The following INTS15 variants were observed in gnomAD, a reference collection of about 807,000 sequenced individuals.
INTS15 encodes the protein integrator complex subunit 15.
the INTS15 span, chr7:6,607,753 G>C: frequency 6.7e-7 from 1 of 1,491,558 alleles, no homozygotes; most frequent in South Asian, 1.3e-5. The surrounding 1 kb of genome is among the most constrained non-coding windows in gnomAD (Gnocchi z 6.0). Context: ...CACAGGCCCC[G>C]TGCAGAGCCC....
At chr7:6,594,762 C>T in the INTS15 span, among the ~76,000 whole-genome samples, 3 of 151,974 alleles carry the variant, frequency 2.0e-5, no homozygotes, top group African/African-American at 4.8e-5. Flanking sequence ...AGTCTGTTGC[C>T]CAGGCTGGAG....
At chr7:6,608,292 G>T in the INTS15 span, 2 of 1,452,370 alleles carry the variant, frequency 1.4e-6, no homozygotes, top group Non-Finnish European at 1.8e-6. Context: ...AACCGTCTTG[G>T]TGTCACGGAG....
the INTS15 span, chr7:6,602,044 G>A: frequency 1.4e-6 from 2 of 1,463,878 alleles, no homozygotes; most frequent in African/African-American, 1.4e-5. Flanking sequence ...ACGTCAGTGT[G>A]TATTTCACCG....
At chr7:6,594,301 C>A in the INTS15 span, 1 of 867,416 alleles carries the variant, frequency 1.2e-6, no homozygotes, top group Non-Finnish European at 1.8e-6. Context: ...CCACCACACT[C>A]GGCCCCATTA....
the INTS15 span, chr7:6,602,317 A>G: frequency 8.9e-6 from 5 of 564,704 alleles, no homozygotes; most frequent in Non-Finnish European, 1.6e-5. Flanking sequence ...TAAACCTGAA[A>G]AATGGTCATC....
the INTS15 span, chr7:6,608,486 G>A: frequency 7.4e-6 from 9 of 1,219,970 alleles, no homozygotes; most frequent in African/African-American, 1.1e-4. Flanking sequence ...GGAGCCACGG[G>A]TGCAAGCCCG....
the INTS15 span, chr7:6,602,386 G>A: frequency 2.0e-6 from 1 of 501,612 alleles, no homozygotes; most frequent in Non-Finnish European, 3.6e-6. Flanking sequence ...CCTAGTGAAG[G>A]TGCACCTGTT....
At chr7:6,605,368 C>T in the INTS15 span, among the ~76,000 whole-genome samples, 1 of 152,286 alleles carries the variant, frequency 6.6e-6, no homozygotes, top group South Asian at 2.1e-4. Context: ...GGCACCTTTC[C>T]CCTCCTGCAG....
At chr7:6,606,647 G>A in the INTS15 span, among the ~76,000 whole-genome samples, 2 of 152,150 alleles carry the variant, frequency 1.3e-5, no homozygotes, top group African/African-American at 4.8e-5. Context: ...GGGAAGGCAG[G>A]GTAGGGAGGA....
the INTS15 span, chr7:6,591,758 A>G: frequency 6.2e-7 from 1 of 1,614,130 alleles, no homozygotes; most frequent in Non-Finnish European, 8.5e-7. Context: ...TTCAGCCCTC[A>G]AGGGAACAAA....
the INTS15 span, among the ~76,000 whole-genome samples, chr7:6,600,930 C>T: frequency 2.0e-5 from 3 of 151,974 alleles, no homozygotes; most frequent in Non-Finnish European, 4.4e-5. Context: ...AGCCACCGTG[C>T]CGTTTCTTTT....
At chr7:6,607,709 C>T in the INTS15 span, 104 of 1,521,116 alleles carry the variant, frequency 6.8e-5, no homozygotes, top group African/African-American at 1.3e-3. The surrounding 1 kb of genome is among the most constrained non-coding windows in gnomAD (Gnocchi z 6.0). Context: ...GTGGGCTGCG[C>T]GCCCGGGAGT....
At chr7:6,607,708 G>A in the INTS15 span, 6 of 1,520,904 alleles carry the variant, frequency 3.9e-6, no homozygotes, top group African/African-American at 2.8e-5. The surrounding 1 kb of genome is among the most constrained non-coding windows in gnomAD (Gnocchi z 6.0). Context: ...TGTGGGCTGC[G>A]CGCCCGGGAG....
chr7:6,596,712 C>G, the INTS15 span, among the ~76,000 whole-genome samples: 1 of 151,714 alleles, frequency 6.6e-6, no homozygotes, highest in Non-Finnish European at 1.5e-5. Context: ...TTGTAACTCT[C>G]TTGAGAAAGT....
chr7:6,603,621 CT>C, the INTS15 span, among the ~76,000 whole-genome samples: 2 of 151,026 alleles, frequency 1.3e-5, no homozygotes, highest in African/African-American at 4.9e-5. Flanking sequence ...GGCGGATCAC[CT>C]GAGGTCAGGA....
chr7:6,593,062 A>G, the INTS15 span, among the ~76,000 whole-genome samples: 1 of 152,166 alleles, frequency 6.6e-6, no homozygotes, highest in Admixed American at 6.6e-5. Context: ...TGTAGGGTAC[A>G]GAAGTTGTCA....
the INTS15 span, among the ~76,000 whole-genome samples, chr7:6,598,550 G>A: frequency 7.9e-5 from 12 of 151,736 alleles, no homozygotes; most frequent in Middle Eastern, 3.2e-3. Context: ...TGGGCAGGGC[G>A]GTTCATACTC....
the INTS15 span, chr7:6,608,343 A>G: frequency 7.0e-7 from 1 of 1,425,314 alleles, no homozygotes; most frequent in Non-Finnish European, 9.2e-7. Flanking sequence ...TGACATGCAG[A>G]TTGGATGGTG....
At chr7:6,597,075 G>T in the INTS15 span, among the ~76,000 whole-genome samples, 2 of 152,212 alleles carry the variant, frequency 1.3e-5, no homozygotes, top group Non-Finnish European at 2.9e-5. Flanking sequence ...CACTGTGCCA[G>T]CTGCATATGC....
Sources: gnomAD v4.1 joint callset for allele counts (sites outside exome capture counted in the v4.1 genomes callset) on GRCh38, gnomAD v4.1.1 for gene constraint, Gnocchi (gnomAD v3.1) non-coding constraint, MANE v1.5 for transcripts, NCBI Gene and HGNC (gene_info 2026-07-23, HGNC 2026-07-21) for gene names.